The following SYN2 variants were observed in gnomAD, a reference collection of about 807,000 sequenced individuals.
SYN2 encodes synapsin-2.
In SYN2, 19 loss-of-function variants were observed where a neutral mutation model predicts 50.9. That is an observed-to-expected ratio of 0.37 (90% CI 0.26 to 0.55). The LOEUF (loss-of-function observed/expected upper bound fraction) is 0.55. Ranked by LOEUF, SYN2 falls within the 20% of genes least tolerant of loss-of-function variation. The pLI is 0.81. For synonymous variants in SYN2, 255 were observed against 224.9 expected (o/e 1.13, Z -1.20); for missense variants, 587 against 576.4 (o/e 1.02, Z -0.19).
Position 12,102,365 on chromosome 3 carries a change from A to G in SYN2, c.378-38286A>G, listed in dbSNP as rs112102542. 1.2e-4 allele frequency among the ~76,000 whole-genome samples: 18 copies of G among 152,268 alleles called. 1 individual carries two copies. Among genetic ancestry groups the G allele is most frequent in the African/African-American group, 4.1e-4 (17 of 41,552 alleles). Reference sequence around the variant, plus strand: ...AGTGTAGTTTTTGCAGGGATCTGGAAACTCCATGGACACTTTATGTTTTCA... The same window carrying G: ...AGTGTAGTTTTTGCAGGGATCTGGAGACTCCATGGACACTTTATGTTTTCA... On this transcript the variant is annotated intron_variant, in intron 1 of 12. Transcript: ENST00000621198.
intron 8 of SYN2, among the ~76,000 whole-genome samples, chr3:12,167,892 G>T (rs906015142): frequency 6.6e-6 from 1 of 152,172 alleles, no homozygotes; most frequent in Admixed American, 6.5e-5. Flanking sequence ...TAAGGAACTT[G>T]TTGGGAACTG....
intron 1 of SYN2, among the ~76,000 whole-genome samples, chr3:12,044,311 A>G (rs985189643): frequency 6.6e-6 from 1 of 152,200 alleles, no homozygotes; most frequent in South Asian, 2.1e-4. Flanking sequence ...AAATGCTTCC[A>G]TAGTAGTCAA....
chr3:12,149,821 C>T (rs1697235357), intron 4 of SYN2, among the ~76,000 whole-genome samples: 1 of 152,204 alleles, frequency 6.6e-6, no homozygotes, highest in South Asian at 2.1e-4. Context: ...ACAAAAGGAC[C>T]ACAACAGATG....
chr3:12,024,201 G>C (rs967528563), intron 1 of SYN2, among the ~76,000 whole-genome samples: 3 of 137,234 alleles, frequency 2.2e-5, no homozygotes, highest in Admixed American at 7.9e-5. Flanking sequence ...CTGTCGCCCA[G>C]GCTGGAGTGC....
intron 1 of SYN2, among the ~76,000 whole-genome samples, chr3:12,082,971 C>T (rs1449802859): frequency 6.6e-6 from 1 of 152,048 alleles, no homozygotes; most frequent in Admixed American, 6.6e-5. Context: ...TTAATGATAC[C>T]TAGTAGAAAA....
Position 12,161,893 on chromosome 3 carries a change from A to T in SYN2, c.838-119A>T. ...GGCCTCCTGGGGAGATGTGGCACCC[A>T]GATTAGTGTCTGGATCGGATACATA... On this transcript the variant is annotated intron_variant, in intron 6 of 12. Transcript: ENST00000621198. 3 of 1,412,558 alleles carry T rather than the reference A, an allele frequency of 2.1e-6. No individual in the cohort carries two copies. In the Admixed American group the frequency reaches 6.7e-5, roughly 32 times the overall value. 87.5% of individuals were successfully genotyped at this position (1,412,558 alleles called of 1,614,324 possible).
At chr3:12,169,684 C>T in intron 9 of SYN2, 73 bp from the exon 10 acceptor site, 1 of 1,554,274 alleles carries the variant, frequency 6.4e-7, no homozygotes, top group Non-Finnish European at 8.8e-7. Flanking sequence ...AATTCCTACC[C>T]ATTCTGAAAG....
intron 1 of SYN2, among the ~76,000 whole-genome samples, chr3:12,034,865 T>C (rs1480485144): frequency 6.6e-6 from 1 of 152,250 alleles, no homozygotes; most frequent in East Asian, 1.9e-4. Flanking sequence ...ATGCAAAATA[T>C]ATTTATTCAG....
intron 4 of SYN2, among the ~76,000 whole-genome samples, chr3:12,150,341 G>A (rs549161242): frequency 6.6e-6 from 1 of 152,272 alleles, no homozygotes; most frequent in African/African-American, 2.4e-5. Flanking sequence ...CTGTGGAAAG[G>A]GCATAGTTTC....
At chr3:12,057,888 A>C (rs1695029457) in intron 1 of SYN2, among the ~76,000 whole-genome samples, 1 of 152,224 alleles carries the variant, frequency 6.6e-6, no homozygotes, top group African/African-American at 2.4e-5. Flanking sequence ...TACTCGAAAC[A>C]TAGTCTTTAT....
chr3:12,169,381 G>A (rs1046508376), intron 9 of SYN2, among the ~76,000 whole-genome samples: 1 of 152,182 alleles, frequency 6.6e-6, no homozygotes, highest in Non-Finnish European at 1.5e-5. Context: ...GAGATGAAAA[G>A]CACATGCTCC....
At chr3:12,054,056 C>G (rs1694935179) in intron 1 of SYN2, among the ~76,000 whole-genome samples, 1 of 152,086 alleles carries the variant, frequency 6.6e-6, no homozygotes, top group Non-Finnish European at 1.5e-5. Flanking sequence ...GAAGCAAATG[C>G]AAGGTAATGC....
intron 1 of SYN2, among the ~76,000 whole-genome samples, chr3:12,018,326 G>A (rs1383543426): frequency 6.6e-6 from 1 of 151,850 alleles, no homozygotes; most frequent in Non-Finnish European, 1.5e-5. Context: ...TAGAGCAGAT[G>A]TAGGCTAGTT....
intron 1 of SYN2, among the ~76,000 whole-genome samples, chr3:12,073,747 G>C (rs1012831329): frequency 1.3e-5 from 2 of 152,126 alleles, no homozygotes; most frequent in African/African-American, 4.8e-5. Flanking sequence ...TTTGAAATTT[G>C]TTGAGGGTGA....
intron 4 of SYN2, among the ~76,000 whole-genome samples, chr3:12,149,170 G>A (rs549545976): frequency 6.6e-6 from 1 of 152,286 alleles, no homozygotes; most frequent in Admixed American, 6.5e-5. Flanking sequence ...TCTGTGTGGT[G>A]TCTGTGTAAC....
chr3:12,162,092 T>C lies in SYN2; in HGVS notation c.918T>C (p.Pro306=). 6.2e-7 allele frequency: 1 copy of C among 1,614,154 alleles called. No individual in the cohort carries two copies. Among genetic ancestry groups the C allele is most frequent in the South Asian group, 1.1e-5 (1 of 91,072 alleles). The stretch of plus-strand genomic sequence containing the variant: ...CCCAGACCTATGCCACTGCAGAGCC[T>C]TTCATTGACTCCAAGTATGACATCC... ...ALTQTYATAE[P]FIDSKYDIRV... is the part of the protein sequence containing the mutation. Residue 306 remains proline (P), a synonymous_variant, in exon 7 of 13, where the codon CCT becomes CCC. Transcript: ENST00000621198.
intron 1 of SYN2, among the ~76,000 whole-genome samples, chr3:12,011,101 A>G (rs1367141512): frequency 6.6e-6 from 1 of 152,252 alleles, no homozygotes; most frequent in Non-Finnish European, 1.5e-5. Flanking sequence ...AGGCTACTGC[A>G]TTTAACCATG....
intron 5 of SYN2, among the ~76,000 whole-genome samples, chr3:12,157,762 G>A (rs975097458): frequency 1.3e-5 from 2 of 152,174 alleles, no homozygotes; most frequent in African/African-American, 4.8e-5. Context: ...CTCCATAGCC[G>A]TTTGTGCAGT....
In SYN2 at chr3:12,190,580, C is replaced by T. The variant is rs758740300; in HGVS notation, c.1704C>T (p.Thr568=). 1.9e-6 allele frequency: 3 copies of T among 1,613,222 alleles called. No homozygotes were observed. The highest frequency in any genetic ancestry group is 1.1e-5 in the South Asian group (1 of 90,928). Residue 568 remains threonine, a synonymous_variant, in exon 13 of 13, where the codon ACC becomes ACT. Coordinates refer to ENST00000621198, the MANE Select transcript of SYN2 (RefSeq NM_133625.6). ...ATGAGGATGAAGCCAAAGCAGAGACCATCCGGAGCTTGAGGAAGTCCTTTG... is the reference window on the plus strand; with the variant it reads ...ATGAGGATGAAGCCAAAGCAGAGACTATCCGGAGCTTGAGGAAGTCCTTTG... ...SANEDEAKAE[T]IRSLRKSFAS...
Sources: gnomAD v4.1 joint callset for allele counts (sites outside exome capture counted in the v4.1 genomes callset) on GRCh38, gnomAD v4.1.1 for gene constraint, MANE v1.5 for transcripts, NCBI Gene and HGNC (gene_info 2026-07-23, HGNC 2026-07-21) for gene names.